XKR5: variants seen among roughly 807,000 people sequenced by gnomAD.
XKR5 encodes XK-related protein 5.
XKR5 carries 46 observed loss-of-function variants against 40.8 expected under a neutral mutation model. The ratio of observed to expected loss-of-function variants is 1.13; its 90% CI spans 0.89 to 1.44. XKR5 has a LOEUF of 1.44. Among genes scored for constraint, XKR5 ranks in the 40% most tolerant of loss-of-function variants. The probability of loss-of-function intolerance (pLI) is 0.00; values close to 1 mark genes in which losing one functional copy is unlikely to be tolerated. For missense variants in XKR5, 1,169 were observed against 844.7 expected, an observed-to-expected ratio of 1.38 and a Z score of -4.76; for synonymous variants, 466 against 356.1, an observed-to-expected ratio of 1.31 and a Z score of -3.48.
At chr8:6,823,383 A>G in intron 4 of XKR5, 138 bp downstream of exon 4, 1 of 879,840 alleles carries the variant, frequency 1.1e-6, no homozygotes, top group East Asian at 2.7e-5. Context: ...AGGCCACCCA[A>G]GCAAGATCCA....
chr8:6,819,852 TTTCCTTCCTTCCTTCCCTCCCTCC>T (rs1198089953), intron 5 of XKR5, among the ~76,000 whole-genome samples: 1 of 56,512 alleles, frequency 1.8e-5, no homozygotes, highest in African/African-American at 7.9e-5. Context: ...CCTACCTTCC[TTTCCTTCCTTCCTTCCCTCCCTCC>T]TTCCTTCCTT....
In XKR5 at chr8:6,831,702, C is replaced by T. The variant is rs183227134; in HGVS notation, c.242+1015G>A. Reference sequence around the variant, plus strand: ...GCTGCAGGGCTTCACCGCTCTGATCCCTGAATTTTTCTCCCTTAAAAAAAA... The same window carrying T: ...GCTGCAGGGCTTCACCGCTCTGATCTCTGAATTTTTCTCCCTTAAAAAAAA... On this transcript the variant is annotated intron_variant, in intron 2 of 6. Transcript: ENST00000618742. 7.8e-3 allele frequency among the ~76,000 whole-genome samples: 1,182 copies of T among 152,144 alleles called. 20 individuals are homozygous for T. Among genetic ancestry groups the T allele is most frequent in the African/African-American group, 0.027 (1,125 of 41,510 alleles).
At chr8:6,831,131 G>C (rs1804745820) in intron 2 of XKR5, among the ~76,000 whole-genome samples, 1 of 152,230 alleles carries the variant, frequency 6.6e-6, no homozygotes. Context: ...CCTTACGACT[G>C]TGATGGTCAA....
Position 6,832,803 on chromosome 8 carries a change from C to G in XKR5, c.156G>C (p.Leu52=), listed in dbSNP as rs779636694. ...VLLPGFLVQA[L]SYLWFRADGH... ...CGTCTGCTCGGAACCACAGGTAGCT[C>G]AGGGCCTGGACCAAGAACCCGGGCA... is the stretch of plus-strand genomic sequence containing the variant. The change falls in exon 2 of 7, where the codon CTG becomes CTC. Residue 52 remains leucine, a synonymous_variant. Coordinates refer to ENST00000618742, the MANE Select transcript of XKR5 (RefSeq NM_207411.5). 9 of 1,613,034 alleles carry G rather than the reference C, an allele frequency of 5.6e-6. No individual in the cohort carries two copies. Among genetic ancestry groups the G allele is most frequent in the Non-Finnish European group, 6.8e-6 (8 of 1,179,582 alleles).
In XKR5 at chr8:6,832,753, A is replaced by G; in HGVS notation, c.206T>C (p.Met69Thr). Residue 69 changes from methionine (M) to threonine (T), a missense_variant, in exon 2 of 7, where the codon ATG becomes ACG. Met to Thr is a moderately conservative substitution (Grantham distance 81, BLOSUM62 -1). Coordinates refer to ENST00000618742, the MANE Select transcript of XKR5 (RefSeq NM_207411.5). ...ACCAAGCTGTAGGAGGTGCAGCATC[A>G]TCAAGGAGCAATGCCCTGGATGCCC... is the stretch of plus-strand genomic sequence containing the variant. ...ADGHPGHCSL[M>T]MLHLLQLGVW... 1.9e-6 allele frequency: 3 copies of G among 1,613,456 alleles called. No individual in the cohort carries two copies. Among genetic ancestry groups the G allele is most frequent in the Non-Finnish European group, 2.5e-6 (3 of 1,179,700 alleles).
In XKR5 at chr8:6,833,294, G is replaced by T. The variant is rs559633529; in HGVS notation, c.59-394C>A. Among the ~76,000 whole-genome samples, 8 of 152,326 alleles carry T rather than the reference G, an allele frequency of 5.3e-5. No individual in the cohort carries two copies. In the South Asian group the frequency reaches 1.7e-3, roughly 32 times the overall value. The stretch of plus-strand genomic sequence containing the variant: ...GTGCTCTGCCCTAGCAAAGCGTCTG[G>T]CCTCAACTTCCCCTGGTTCCTGTCT... On this transcript the variant is annotated intron_variant, in intron 1 of 6. Transcript: ENST00000618742.
intron 2 of XKR5, among the ~76,000 whole-genome samples, chr8:6,827,146 C>T (rs964368064): frequency 1.3e-5 from 2 of 152,154 alleles, no homozygotes; most frequent in Non-Finnish European, 2.9e-5. Flanking sequence ...TCTCAGGCTT[C>T]GAGTCTCACC....
intron 4 of XKR5, 150 bp from the exon 5 acceptor site, chr8:6,822,188 G>A: frequency 2.8e-6 from 2 of 726,238 alleles, no homozygotes; most frequent in South Asian, 2.1e-5. Flanking sequence ...GATTTGAGGG[G>A]GACAGAAAAC....
At chr8:6,834,140 G>A (rs1458928790) in intron 1 of XKR5, among the ~76,000 whole-genome samples, 1 of 152,228 alleles carries the variant, frequency 6.6e-6, no homozygotes, top group Non-Finnish European at 1.5e-5. Flanking sequence ...CCTCCTCAGG[G>A]TTGTCTGAGG....
rs141989016 is a variant in XKR5, at chr8:6,815,371, C to T, written c.919+436G>A. Among the ~76,000 whole-genome samples the T allele has an allele frequency of 5.3e-3, 804 of 152,248 alleles. 6 individuals are homozygous for T. The highest frequency in any genetic ancestry group is 0.018 in the African/African-American group (753 of 41,548). ...ATCTGTTACAAACCATTGGATCTTT[C>T]GGGGACTCAACCTCCTCTGTGCCTC... On this transcript the variant is annotated intron_variant, in intron 6 of 6. Transcript: ENST00000618742.
rs1381436107 is a variant in XKR5, at chr8:6,811,462, GC to G, written c.1796del (p.Ser599ThrfsTer4). On this transcript the variant is annotated frameshift_variant, in exon 7 of 7. Transcript: ENST00000618742. LOFTEE classifies it low-confidence loss of function (END_TRUNC). Reference sequence around the variant, plus strand: ...TACATGGGCCTGTGCCTAGGATGGGGCTAATGTCGGCCATGGTGTCGGGGAA... The same window carrying G: ...TACATGGGCCTGTGCCTAGGATGGGGTAATGTCGGCCATGGTGTCGGGGAA... ...APFPDTMADISPILGTGPCRG... is the reference protein window; with the variant it reads ...APFPDTMADIXPILGTGPCRG... 3.9e-6 allele frequency: 6 copies of G among 1,532,426 alleles called. No individual in the cohort carries two copies. The highest frequency in any genetic ancestry group is 5.2e-6 in the Non-Finnish European group (6 of 1,144,016). The allele number at this position is 1,532,426 out of a possible 1,614,324, so 94.9% of individuals were successfully genotyped here.
At position 6,832,841 on chromosome 8, in the gene XKR5, G is replaced by T. The variant is rs541583170; in HGVS notation, c.118C>A (p.Leu40Ile). ...TGRLLWGWLA[L>I]AVLLPGFLVQ... ...AAGAACCCGGGCAGGAGGACAGCAA[G>T]GGCCAGCCACCCCCACAGAAGCCGT... Residue 40 changes from leucine (L) to isoleucine (I), a missense_variant, in exon 2 of 7, where the codon CTT (leucine) becomes ATT (isoleucine). By Grantham distance (5) the Leu-to-Ile change is conservative. Coordinates refer to ENST00000618742, the MANE Select transcript of XKR5 (RefSeq NM_207411.5). 44 of 1,611,512 alleles carry T rather than the reference G, an allele frequency of 2.7e-5. No homozygotes were observed. The highest frequency in any genetic ancestry group is 2.2e-4 in the Admixed American group (13 of 59,518).
Position 6,827,386 on chromosome 8 carries a change from C to T in XKR5, c.243-2037G>A, listed in dbSNP as rs142982156. Among the ~76,000 whole-genome samples, 1,080 of 152,314 alleles carry T rather than the reference C, an allele frequency of 7.1e-3. 15 individuals are homozygous for T. Among genetic ancestry groups the T allele is most frequent in the African/African-American group, 0.025 (1,030 of 41,566 alleles). On this transcript the variant is annotated intron_variant, in intron 2 of 6. Transcript: ENST00000618742. ...TCACCTGCAAAACTCCCTGTAGAGA[C>T]CCCTAAGGCTCTGACTGGCAGGTGA...
At chr8:6,820,852 C>T (rs2927347) in intron 5 of XKR5, among the ~76,000 whole-genome samples, 2 of 152,204 alleles carry the variant, frequency 1.3e-5, no homozygotes, top group African/African-American at 2.4e-5. Context: ...TGGACAGGAG[C>T]TGCATCCTGC....
At position 6,832,754 on chromosome 8, in the gene XKR5, T is replaced by C. The variant is rs2741098; in HGVS notation, c.205A>G (p.Met69Val). The part of the protein sequence containing the change: ...ADGHPGHCSL[M>V]MLHLLQLGVW... ...CCAAGCTGTAGGAGGTGCAGCATCA[T>C]CAAGGAGCAATGCCCTGGATGCCCG... Residue 69 changes from methionine (M) to valine (V), a missense_variant, in exon 2 of 7, where the codon ATG (methionine) becomes GTG (valine). By Grantham distance (21) the Met-to-Val change is conservative. Transcript: ENST00000618742. 0.56 allele frequency: 897,897 copies of C among 1,612,822 alleles called. 255,295 individuals are homozygous for C. Among genetic ancestry groups the C allele is most frequent in the African/African-American group, 0.86 (64,519 of 74,936 alleles).
Position 6,823,523 on chromosome 8 carries a change from G to A in XKR5, c.635C>T (p.Ala212Val), listed in dbSNP as rs1804330531. ...ACCAGATCATTAGCTCAGCTCACCT[G>A]CAACCACAAAAACCCAAAAGTGGTA... ...KAYHFWVFVV[A>V]GAHWLVMTFW... The change falls in exon 4 of 7, where the codon GCA (alanine) becomes GTA (valine). Residue 212 changes from alanine to valine, a missense_variant and splice_region_variant. Ala to Val is a moderately conservative substitution (Grantham distance 64). Transcript: ENST00000618742. The A allele has an allele frequency of 6.3e-7, 1 of 1,583,142 alleles. No homozygotes were observed. Among genetic ancestry groups the A allele is most frequent in the African/African-American group, 1.3e-5 (1 of 74,482 alleles).
chr8:6,820,006 C>T (rs1017237440), intron 5 of XKR5, among the ~76,000 whole-genome samples: 1 of 152,238 alleles, frequency 6.6e-6, no homozygotes, highest in South Asian at 2.1e-4. Flanking sequence ...GCACCAGGCT[C>T]TTGGCTTTCT....
chr8:6,823,029 C>G (rs150547658), intron 4 of XKR5, among the ~76,000 whole-genome samples: 76 of 152,338 alleles, frequency 5.0e-4, no homozygotes, highest in African/African-American at 1.7e-3. Context: ...TAACACAGAA[C>G]AGTCTCCTGA....
At chr8:6,826,654 G>A (rs937121477) in intron 2 of XKR5, among the ~76,000 whole-genome samples, 16 of 152,192 alleles carry the variant, frequency 1.1e-4, no homozygotes, top group Non-Finnish European at 2.4e-4. Flanking sequence ...ATGTGAGGAT[G>A]GGTGGAGCCC....
Sources: gnomAD v4.1 joint callset for allele counts (sites outside exome capture counted in the v4.1 genomes callset) on GRCh38, gnomAD v4.1.1 for gene constraint, MANE v1.5 for transcripts, NCBI Gene and HGNC (gene_info 2026-07-23, HGNC 2026-07-21) for gene names.